The following DPP6 variants were observed in gnomAD, a reference collection of about 807,000 sequenced individuals.
DPP6 encodes dipeptidyl peptidase like 6.
In DPP6, 69 loss-of-function variants were observed where a neutral mutation model predicts 122.6. The ratio of observed to expected loss-of-function variants is 0.56; its 90% CI spans 0.46 to 0.69. DPP6 has a LOEUF of 0.69. Among genes scored for constraint, DPP6 ranks in the 30% least tolerant of loss-of-function variants. DPP6 has a pLI of 0.00. For missense variants in DPP6, 928 were observed against 1,116.9 expected (o/e 0.83, Z 2.41); for synonymous variants, 418 against 433.1 (o/e 0.97, Z 0.43).
chr7:154,772,999 A>T lies in DPP6; in HGVS notation c.1136+57A>T. On this transcript the variant is annotated intron_variant, in intron 10 of 25. Transcript: ENST00000377770. ...AAAAAAAAACTAAGATGAATGTTCA[A>T]TGTGCATGGTCTCTTCTGGATCAGA... 3.4e-6 allele frequency: 5 copies of T among 1,491,402 alleles called. No homozygotes were observed. The South Asian group carries it at 7.0e-5, about 21-fold the overall frequency. 92.4% of individuals were successfully genotyped at this position (1,491,402 alleles called of 1,614,324 possible).
At chr7:154,365,929 G>C (rs1812137980) in intron 1 of DPP6, among the ~76,000 whole-genome samples, 1 of 136,412 alleles carries the variant, frequency 7.3e-6, no homozygotes, top group Non-Finnish European at 1.5e-5. Context: ...CTGCGTTCCA[G>C]CCTGGGCGAC....
At chr7:154,813,081 C>G (rs528072648) in intron 16 of DPP6, among the ~76,000 whole-genome samples, 55 of 142,884 alleles carry the variant, frequency 3.8e-4, no homozygotes, top group African/African-American at 1.0e-3. Context: ...TAGGTTAATT[C>G]CTCAATTTTT....
chr7:154,852,509 C>G (rs6948926), intron 16 of DPP6, among the ~76,000 whole-genome samples: 519 of 34,718 alleles, frequency 0.015, 2 homozygotes, highest in Middle Eastern at 0.037. Context: ...TGCCTCTCCT[C>G]CCTCTCCTCC....
chr7:154,653,606 G>A (rs978607793), intron 6 of DPP6, among the ~76,000 whole-genome samples: 7 of 149,456 alleles, frequency 4.7e-5, no homozygotes, highest in Non-Finnish European at 1.1e-4. Flanking sequence ...CTGATTGATT[G>A]ATAGATGATA....
At chr7:153,934,635 T>C (rs1801340334) in intron 1 of DPP6, among the ~76,000 whole-genome samples, 1 of 152,174 alleles carries the variant, frequency 6.6e-6, no homozygotes, top group African/African-American at 2.4e-5. Flanking sequence ...ACTGCACCTG[T>C]GTGTGTACAC....
chr7:154,669,668 G>C (rs1838430175), intron 7 of DPP6, among the ~76,000 whole-genome samples: 1 of 152,066 alleles, frequency 6.6e-6, no homozygotes, highest in African/African-American at 2.4e-5. Context: ...GCATGTGCTT[G>C]GTTCCTACAT....
intron 2 of DPP6, among the ~76,000 whole-genome samples, chr7:154,463,522 T>G (rs1375709719): frequency 6.6e-6 from 1 of 152,120 alleles, no homozygotes; most frequent in Non-Finnish European, 1.5e-5. Flanking sequence ...CTCCTTTTCT[T>G]AAGCAGAAGA....
At chr7:154,747,560 C>G (rs904444647) in intron 8 of DPP6, among the ~76,000 whole-genome samples, 1 of 152,218 alleles carries the variant, frequency 6.6e-6, no homozygotes, top group Admixed American at 6.5e-5. Flanking sequence ...AATCGCCATA[C>G]TGTGTTAGTC....
chr7:153,748,947 A>G, the DPP6 span, among the ~76,000 whole-genome samples: 1 of 151,762 alleles, frequency 6.6e-6, no homozygotes, highest in African/African-American at 2.4e-5. Flanking sequence ...CTTCCTCTGG[A>G]CATGAATCAA....
At chr7:154,174,150 T>TCA in intron 1 of DPP6, among the ~76,000 whole-genome samples, 1 of 152,284 alleles carries the variant, frequency 6.6e-6, no homozygotes, top group Non-Finnish European at 1.5e-5. Flanking sequence ...GGGACCTGAG[T>TCA]CACACCACTT....
rs145065503 is a variant in DPP6 at position 154,454,993 on chromosome 7, A to G, written c.358+8665A>G. ...TTGCAGGTGTCCGTATTGTTTCACA[A>G]GACAAGTTTAGACATAGCCAGTCCA... On this transcript the variant is annotated intron_variant, in intron 2 of 25. Transcript: ENST00000377770. Among the ~76,000 whole-genome samples, 516 of 152,240 alleles carry G rather than the reference A, an allele frequency of 3.4e-3. 2 individuals carry two copies. The highest frequency in any genetic ancestry group is 6.0e-3 in the Non-Finnish European group (407 of 68,026).
At chr7:154,204,399 A>T (rs80032141) in intron 1 of DPP6, among the ~76,000 whole-genome samples, 3,436 of 152,252 alleles carry the variant, frequency 0.023, 138 homozygotes, top group African/African-American at 0.077. Flanking sequence ...GCCACTCAAG[A>T]TCCCTGCTTA....
At chr7:154,870,962 C>CAA (rs146259949) in intron 18 of DPP6, among the ~76,000 whole-genome samples, 1,254 of 98,884 alleles carry the variant, frequency 0.013, 17 homozygotes, top group South Asian at 0.028. Context: ...GACTCCATCT[C>CAA]AAAAAAAAAA....
At chr7:154,278,511 T>C (rs1050089660) in intron 1 of DPP6, among the ~76,000 whole-genome samples, 3 of 152,216 alleles carry the variant, frequency 2.0e-5, no homozygotes, top group African/African-American at 7.2e-5. Flanking sequence ...ATATCTATCA[T>C]GAATTGAGCA....
intron 1 of DPP6, among the ~76,000 whole-genome samples, chr7:154,441,954 T>C (rs1819413515): frequency 6.6e-6 from 1 of 152,180 alleles, no homozygotes; most frequent in South Asian, 2.1e-4. Context: ...TTTGCCTGAG[T>C]TAAAAATAAG....
rs533283358 is a variant in DPP6 at position 154,610,403 on chromosome 7, A to G, written c.628-27418A>G. 2.0e-5 allele frequency among the ~76,000 whole-genome samples: 3 copies of G among 152,314 alleles called. No homozygotes were observed. In the East Asian group the frequency reaches 5.8e-4, roughly 29 times the overall value. On this transcript the variant is annotated intron_variant, in intron 5 of 25. Coordinates refer to ENST00000377770, the MANE Select transcript of DPP6 (RefSeq NM_130797.4). ...ATGAAGAAAGACCCTGAGGTGTTAC[A>G]TGGGGTCAAAAGAAAGGATGATTCA...
chr7:153,805,415 G>A, the DPP6 span, among the ~76,000 whole-genome samples: 4 of 152,180 alleles, frequency 2.6e-5, no homozygotes, highest in Non-Finnish European at 5.9e-5. Flanking sequence ...TCCCAAGGAA[G>A]GTAATCTTGG....
At chr7:154,495,270 G>A (rs1182281653) in intron 3 of DPP6, among the ~76,000 whole-genome samples, 1 of 152,166 alleles carries the variant, frequency 6.6e-6, no homozygotes, top group Non-Finnish European at 1.5e-5. Context: ...TAGCAGCTGG[G>A]GCCATGGTGG....
intron 3 of DPP6, among the ~76,000 whole-genome samples, chr7:154,529,370 G>A (rs1489847262): frequency 2.6e-5 from 4 of 152,186 alleles, no homozygotes; most frequent in Non-Finnish European, 5.9e-5. Context: ...TGCTACCCAA[G>A]AAACAAACTT....
Sources: allele counts gnomAD v4.1 joint callset (sites outside exome capture counted in the v4.1 genomes callset), GRCh38; gene constraint gnomAD v4.1.1; transcripts MANE v1.5; gene names NCBI Gene and HGNC (gene_info 2026-07-23, HGNC 2026-07-21).